USP34: variants seen among roughly 807,000 people sequenced by gnomAD.
USP34 encodes ubiquitin specific peptidase 34.
In USP34, 70 loss-of-function variants were observed where a neutral mutation model predicts 460.3. The ratio of observed to expected loss-of-function variants is 0.15; its 90% CI spans 0.13 to 0.19. The LOEUF (loss-of-function observed/expected upper bound fraction) is 0.19. USP34 is among the 10% of genes least tolerant of loss of function. The probability of loss-of-function intolerance (pLI) is 1.00; values close to 1 mark genes in which losing one functional copy is unlikely to be tolerated. For synonymous variants in USP34, 1,647 were observed against 1,405.3 expected (o/e 1.17, Z -3.85); for missense variants, 3,985 against 4,236.2 (o/e 0.94, Z 1.65).
At chr2:61,413,812 T>C (rs1694117123) in intron 2 of USP34, among the ~76,000 whole-genome samples, 1 of 144,376 alleles carries the variant, frequency 6.9e-6, no homozygotes, top group Non-Finnish European at 1.5e-5. Flanking sequence ...ACCCCGTCTC[T>C]ACTAGATACT....
At chr2:61,448,174 C>T (rs1262663923) in intron 1 of USP34, among the ~76,000 whole-genome samples, 1 of 152,204 alleles carries the variant, frequency 6.6e-6, no homozygotes, top group African/African-American at 2.4e-5. Context: ...AATGTCAACA[C>T]AATGAAAAAC....
chr2:61,332,238 A>C (rs1691292220), intron 19 of USP34, among the ~76,000 whole-genome samples: 1 of 152,056 alleles, frequency 6.6e-6, no homozygotes, highest in Non-Finnish European at 1.5e-5. Context: ...CATTAGAACG[A>C]GTTTAAGAGA....
At chr2:61,381,535 T>C (rs1474841239) in intron 6 of USP34, among the ~76,000 whole-genome samples, 3 of 152,056 alleles carry the variant, frequency 2.0e-5, no homozygotes, top group African/African-American at 7.2e-5. Context: ...GGAGTCTCGC[T>C]ATGTTGCCCA....
chr2:61,272,490 C>G (rs910649666), intron 41 of USP34, among the ~76,000 whole-genome samples: 1 of 151,854 alleles, frequency 6.6e-6, no homozygotes, highest in Non-Finnish European at 1.5e-5. Flanking sequence ...AAATCTGAGA[C>G]CTGTGAGCTC....
chr2:61,281,300 T>C lies in USP34; in HGVS notation c.4999-58A>G, dbSNP rs1689529438. 25 of 1,539,626 alleles carry C rather than the reference T, an allele frequency of 1.6e-5. No individual in the cohort carries two copies. The Middle Eastern group carries it at 5.2e-4, about 32-fold the overall frequency. Reference sequence around the variant, plus strand: ...GAGTTAGTATTACAAAGTTAATATGTTAGCAGAAATAATTTTAGGTGATTT... The same window carrying C: ...GAGTTAGTATTACAAAGTTAATATGCTAGCAGAAATAATTTTAGGTGATTT... On this transcript the variant is annotated intron_variant, in intron 37 of 79. Transcript: ENST00000398571.
chr2:61,317,739 C>G lies in USP34; in HGVS notation c.3197G>C (p.Ser1066Thr), dbSNP rs1473600452. 3 of 1,613,922 alleles carry G rather than the reference C, an allele frequency of 1.9e-6. No individual in the cohort carries two copies. The highest frequency in any genetic ancestry group is 2.5e-6 in the Non-Finnish European group (3 of 1,179,958). ...KMPQLKPETISMTGLNLFQHL... is the reference protein window; with the variant it reads ...KMPQLKPETITMTGLNLFQHL... ...CTGAAACAGGTTTAAGCCAGTCATGCTAATTGTTTCAGGTTTTAGCTGGGG... is the reference window on the plus strand; with the variant it reads ...CTGAAACAGGTTTAAGCCAGTCATGGTAATTGTTTCAGGTTTTAGCTGGGG... The change falls in exon 23 of 80, where the codon AGC (serine) becomes ACC (threonine). Residue 1066 changes from serine to threonine, a missense_variant. Physicochemically the swap from Ser to Thr is moderately conservative, Grantham distance 58. This residue lies in a region of USP34 where 1,114 missense variants were observed against 1,122.5 expected (regional missense o/e 0.99). Transcript: ENST00000398571.
At position 61,233,465 on chromosome 2, in the gene USP34, A is replaced by C. The variant is rs184757629; in HGVS notation, c.7033-933T>G. 4.3e-3 allele frequency among the ~76,000 whole-genome samples: 659 copies of C among 152,350 alleles called. 20 individuals carry two copies. The highest frequency in any genetic ancestry group is 0.039 in the Admixed American group (604 of 15,296). On this transcript the variant is annotated intron_variant, in intron 57 of 79. Coordinates refer to ENST00000398571, the MANE Select transcript of USP34 (RefSeq NM_014709.4). ...CTTGTTTGAACCACTCATTTAAACC[A>C]ATCAACTGAAAATTTTTTTTTGAGA...
intron 27 of USP34, among the ~76,000 whole-genome samples, chr2:61,303,183 C>T (rs954235277): frequency 2.6e-5 from 4 of 151,908 alleles, no homozygotes; most frequent in Non-Finnish European, 2.9e-5. Flanking sequence ...TCTCCAGTCT[C>T]GGCCTCCTGA....
intron 48 of USP34, among the ~76,000 whole-genome samples, chr2:61,255,514 T>G (rs979453346): frequency 6.6e-6 from 1 of 152,208 alleles, no homozygotes; most frequent in Admixed American, 6.5e-5. Context: ...TGACTCCATG[T>G]CTTCACATGT....
At position 61,310,362 on chromosome 2, in the gene USP34, G is replaced by GA. The variant is rs200889332; in HGVS notation, c.3817+1177dup. ...CTAAATGTCCATTAATAGAGAACAA[G>GA]AAAAATGAATCAAGTTATTACTATA... On this transcript the variant is annotated intron_variant, in intron 27 of 79. Coordinates refer to ENST00000398571, the MANE Select transcript of USP34 (RefSeq NM_014709.4). Among the ~76,000 whole-genome samples, 512 of 152,044 alleles carry GA rather than the reference G, an allele frequency of 3.4e-3. 2 individuals carry two copies. Among genetic ancestry groups the GA allele is most frequent in the African/African-American group, 0.011 (440 of 41,504 alleles).
At chr2:61,428,399 C>A (rs1694571891) in intron 1 of USP34, among the ~76,000 whole-genome samples, 1 of 152,118 alleles carries the variant, frequency 6.6e-6, no homozygotes, top group South Asian at 2.1e-4. Flanking sequence ...TCTCCTGATA[C>A]AGATAGTCCA....
At chr2:61,392,594 A>AGCCTGG (rs1693383059) in intron 5 of USP34, among the ~76,000 whole-genome samples, 1 of 152,152 alleles carries the variant, frequency 6.6e-6, no homozygotes. Context: ...ACTGCACTCT[A>AGCCTGG]GCCTGGGTGA....
intron 75 of USP34, among the ~76,000 whole-genome samples, chr2:61,196,449 T>G (rs543850025): frequency 2.0e-3 from 303 of 152,100 alleles, no homozygotes; most frequent in Non-Finnish European, 3.3e-3. Flanking sequence ...GATCTCCCAT[T>G]CGTGAGCTCA....
In USP34 at chr2:61,319,159, AG is replaced by A; in HGVS notation, c.3168+13del. The A allele has an allele frequency of 5.2e-6, 8 of 1,540,432 alleles. No individual in the cohort carries two copies. The highest frequency in any genetic ancestry group is 6.9e-6 in the Non-Finnish European group (8 of 1,153,136). ...CATGGAAAAATAATAACAAACTGAGAGAAATGTAATTACCTTCTCCAGGAAA... is the reference window on the plus strand; with the variant it reads ...CATGGAAAAATAATAACAAACTGAGAAAATGTAATTACCTTCTCCAGGAAA... On this transcript the variant is annotated intron_variant, in intron 22 of 79. Transcript: ENST00000398571.
intron 21 of USP34, among the ~76,000 whole-genome samples, chr2:61,320,083 A>G (rs1307712229): frequency 1.3e-5 from 2 of 152,232 alleles, no homozygotes; most frequent in Non-Finnish European, 2.9e-5. Context: ...AACACAAACA[A>G]TAACAAATTC....
At chr2:61,444,804 C>T (rs1021783184) in intron 1 of USP34, among the ~76,000 whole-genome samples, 3 of 151,904 alleles carry the variant, frequency 2.0e-5, no homozygotes, top group Non-Finnish European at 2.9e-5. Flanking sequence ...AGGTGTCCAC[C>T]GCACGTGGAG....
At chr2:61,251,323 T>C (rs1288120155) in intron 48 of USP34, among the ~76,000 whole-genome samples, 1 of 152,160 alleles carries the variant, frequency 6.6e-6, no homozygotes, top group Non-Finnish European at 1.5e-5. Flanking sequence ...AAAGAATGAA[T>C]AACACTGATA....
At chr2:61,265,812 TA>T (rs1689029281) in intron 42 of USP34, 171 bp downstream of exon 42, 1 of 719,796 alleles carries the variant, frequency 1.4e-6, no homozygotes, top group Non-Finnish European at 2.0e-6. Context: ...AAAATGCATA[TA>T]AAAAGGTCCT....
intron 41 of USP34, among the ~76,000 whole-genome samples, chr2:61,270,610 A>G (rs1204543765): frequency 1.3e-5 from 2 of 151,738 alleles, no homozygotes; most frequent in Non-Finnish European, 1.5e-5. Context: ...TAATTTTTGT[A>G]TTTTTAGTAG....
Sources: allele counts gnomAD v4.1 joint callset (sites outside exome capture counted in the v4.1 genomes callset), GRCh38; gene constraint gnomAD v4.1.1; regional missense constraint gnomAD v4.1.1; transcripts MANE v1.5; gene names NCBI Gene and HGNC (gene_info 2026-07-23, HGNC 2026-07-21).